The following ATG10 variants were observed in gnomAD, a reference collection of about 807,000 sequenced individuals.
The protein encoded by ATG10 is ubiquitin-like-conjugating enzyme ATG10.
ATG10 carries 30 observed loss-of-function variants against 32.1 expected under a neutral mutation model. That is an observed-to-expected ratio of 0.94 (90% confidence interval 0.70 to 1.27). ATG10 has a LOEUF of 1.27. Among genes scored for constraint, ATG10 ranks in the 50% most tolerant of loss-of-function variants. The probability of loss-of-function intolerance (pLI) is 0.00; values close to 1 mark genes in which losing one functional copy is unlikely to be tolerated. For synonymous variants in ATG10, 87 were observed against 91.5 expected (o/e 0.95, Z 0.28); for missense variants, 233 against 262.3 (o/e 0.89, Z 0.77).
chr5:82,186,159 G>T (rs1000150440), intron 5 of ATG10, among the ~76,000 whole-genome samples: 1 of 152,122 alleles, frequency 6.6e-6, no homozygotes, highest in Non-Finnish European at 1.5e-5. Flanking sequence ...TTCCTTTGCA[G>T]GCTTCCTTCA....
chr5:82,087,205 G>C (rs1419276774), intron 3 of ATG10, among the ~76,000 whole-genome samples: 1 of 152,088 alleles, frequency 6.6e-6, no homozygotes, highest in Non-Finnish European at 1.5e-5. Flanking sequence ...TTCAAGGAAA[G>C]GAGAAATAAA....
At chr5:82,027,007 C>T (rs550957563) in intron 2 of ATG10, among the ~76,000 whole-genome samples, 62 of 151,052 alleles carry the variant, frequency 4.1e-4, no homozygotes, top group Middle Eastern at 3.4e-3. Context: ...TGCAGTGAGC[C>T]GAGATCACAC....
chr5:82,201,942 C>T (rs895668111), intron 5 of ATG10, among the ~76,000 whole-genome samples: 3 of 152,078 alleles, frequency 2.0e-5, no homozygotes, highest in African/African-American at 7.2e-5. Context: ...GTTTATTGCT[C>T]GTATATAGAA....
chr5:82,039,331 A>G (rs1227257378), intron 2 of ATG10, among the ~76,000 whole-genome samples: 1 of 152,226 alleles, frequency 6.6e-6, no homozygotes, highest in East Asian at 1.9e-4. Context: ...CAGGGAATTA[A>G]GAAGAGAGAA....
intron 3 of ATG10, among the ~76,000 whole-genome samples, chr5:82,137,686 C>T (rs1219340453): frequency 5.3e-5 from 8 of 152,214 alleles, no homozygotes; most frequent in Admixed American, 3.3e-4. Flanking sequence ...TGAGGAGGCA[C>T]GGGGGTCAAG....
At chr5:82,117,768 C>T (rs1765867970) in intron 3 of ATG10, among the ~76,000 whole-genome samples, 1 of 152,018 alleles carries the variant, frequency 6.6e-6, no homozygotes, top group African/African-American at 2.4e-5. Flanking sequence ...GTGTGATATG[C>T]TAGAGACCAG....
intron 3 of ATG10, among the ~76,000 whole-genome samples, chr5:82,084,226 G>T (rs879860318): frequency 2.0e-5 from 3 of 152,180 alleles, no homozygotes; most frequent in Non-Finnish European, 4.4e-5. Flanking sequence ...GGAAGAAAGG[G>T]TATCAGTGAT....
At chr5:82,159,775 A>G (rs1266265519) in intron 3 of ATG10, among the ~76,000 whole-genome samples, 2 of 152,154 alleles carry the variant, frequency 1.3e-5, no homozygotes, top group Non-Finnish European at 2.9e-5. Flanking sequence ...CTGTATTATT[A>G]GCACCATGAG....
At chr5:82,139,966 C>T (rs1440140231) in intron 3 of ATG10, among the ~76,000 whole-genome samples, 9 of 129,986 alleles carry the variant, frequency 6.9e-5, no homozygotes, top group Non-Finnish European at 1.3e-4. Context: ...GCCCGGCCAG[C>T]CGCCCCGTCA....
intron 3 of ATG10, 95 bp from the exon 4 acceptor site, chr5:82,164,304 T>C: frequency 8.0e-7 from 1 of 1,244,528 alleles, no homozygotes; most frequent in Non-Finnish European, 1.1e-6. Context: ...TATTTAACTG[T>C]TATTTTGTGA....
At chr5:82,049,918 G>A (rs1224731878) in intron 2 of ATG10, among the ~76,000 whole-genome samples, 3 of 151,872 alleles carry the variant, frequency 2.0e-5, no homozygotes, top group Non-Finnish European at 4.4e-5. Flanking sequence ...CATGGATTGG[G>A]TTTTTATTTT....
chr5:82,200,033 C>G (rs1298041964), intron 5 of ATG10, among the ~76,000 whole-genome samples: 1 of 152,010 alleles, frequency 6.6e-6, no homozygotes, highest in Non-Finnish European at 1.5e-5. Flanking sequence ...TATCCTTTTA[C>G]CAGTTGAAAG....
At chr5:82,088,870 G>C (rs10054882) in intron 3 of ATG10, among the ~76,000 whole-genome samples, 2 of 151,970 alleles carry the variant, frequency 1.3e-5, no homozygotes, top group Non-Finnish European at 2.9e-5. Context: ...AAATTAGATA[G>C]ACGGATTTAA....
chr5:81,993,359 C>CT (rs756251958), intron 2 of ATG10, among the ~76,000 whole-genome samples: 33 of 55,472 alleles, frequency 5.9e-4, no homozygotes, highest in South Asian at 1.8e-3. Context: ...TTCTTTCTTT[C>CT]CTTCTTTTCT....
At chr5:82,146,274 G>A (rs1004504703) in intron 3 of ATG10, among the ~76,000 whole-genome samples, 2 of 151,758 alleles carry the variant, frequency 1.3e-5, no homozygotes, top group Non-Finnish European at 2.9e-5. Flanking sequence ...TGTTTTTCTG[G>A]TGAGAAATCC....
At chr5:82,222,477 T>G (rs76085768) in intron 5 of ATG10, among the ~76,000 whole-genome samples, 9,431 of 152,328 alleles carry the variant, frequency 0.062, 371 homozygotes, top group Non-Finnish European at 0.089. Flanking sequence ...TGGCTAGTAC[T>G]GTTATTAATG....
chr5:82,097,527 G>T (rs969979054), intron 3 of ATG10, among the ~76,000 whole-genome samples: 1 of 152,034 alleles, frequency 6.6e-6, no homozygotes, highest in Non-Finnish European at 1.5e-5. Flanking sequence ...GTTTAAAAAC[G>T]AAACCCAAAC....
intron 3 of ATG10, among the ~76,000 whole-genome samples, chr5:82,088,250 G>A (rs1404613954): frequency 4.0e-5 from 6 of 151,814 alleles, no homozygotes; most frequent in Non-Finnish European, 5.9e-5. Flanking sequence ...TAGACAATAA[G>A]CCTTAATATG....
intron 5 of ATG10, among the ~76,000 whole-genome samples, chr5:82,187,760 G>C (rs1158207167): frequency 6.6e-6 from 1 of 151,476 alleles, no homozygotes; most frequent in Non-Finnish European, 1.5e-5. Context: ...GCTAATTTTT[G>C]TATTTTTAGT....
Sources: allele counts gnomAD v4.1 joint callset (sites outside exome capture counted in the v4.1 genomes callset), GRCh38; gene constraint gnomAD v4.1.1; transcripts MANE v1.5; gene names NCBI Gene and HGNC (gene_info 2026-07-23, HGNC 2026-07-21).